Variants in AK7 observed in about 807,000 individuals in gnomAD.
AK7 encodes the protein adenylate kinase 7.
Under a neutral mutation model 96.6 loss-of-function variants are expected in AK7, and 78 were observed. That is an observed-to-expected ratio of 0.81 (90% CI 0.67 to 0.97). The LOEUF is 0.97. AK7 is among the 50% of genes least tolerant of loss of function. AK7 has a pLI of 0.00. For missense variants in AK7, 855 were observed against 887.9 expected (o/e 0.96, Z 0.47); for synonymous variants, 302 against 317.2 (o/e 0.95, Z 0.51).
intron 5 of AK7, chr14:96,424,165 C>T: frequency 3.3e-6 from 2 of 611,092 alleles, no homozygotes; most frequent in Non-Finnish European, 6.1e-6. Flanking sequence ...GGCTGTTCGT[C>T]CACTTCCTGA....
At position 96,429,548 on chromosome 14, in the gene AK7, TG is replaced by T. The variant is rs1447802635; in HGVS notation, c.610-8284del. Among the ~76,000 whole-genome samples the T allele has an allele frequency of 4.6e-5, 7 of 152,354 alleles. No individual in the cohort carries two copies. In the South Asian group the frequency reaches 6.2e-4, roughly 14 times the overall value. On this transcript the variant is annotated intron_variant, in intron 5 of 17. Transcript: ENST00000267584. ...ATGGCATTGAATCTATAAATTACCTTGGGCAGTATGGCCATTTTCATGATAT... is the reference window on the plus strand; with the variant it reads ...ATGGCATTGAATCTATAAATTACCTTGGCAGTATGGCCATTTTCATGATAT...
At chr14:96,464,060 AC>A (rs1894420768) in intron 12 of AK7, among the ~76,000 whole-genome samples, 1 of 152,132 alleles carries the variant, frequency 6.6e-6, no homozygotes, top group Admixed American at 6.6e-5. Context: ...AGGGTGAGCC[AC>A]AGAGTATAGT....
rs1891882352 is a variant in AK7 at position 96,424,162 on chromosome 14, C to T, written c.609+3230C>T. The T allele has an allele frequency of 4.1e-5, 25 of 611,192 alleles. 1 individual carries two copies. Among genetic ancestry groups the T allele is most frequent in the South Asian group, 3.5e-4 (23 of 65,624 alleles). 37.9% of individuals were successfully genotyped at this position (611,192 alleles called of 1,614,324 possible). A position where few individuals can be genotyped will look rare whatever the true frequency, so the allele number is the denominator to read the frequency against. ...ACATGCAGCGGGTGCTGCGGCTGTT[C>T]GTCCACTTCCTGAAGGCTCCAGGGC... is the stretch of plus-strand genomic sequence containing the variant. On this transcript the variant is annotated intron_variant, in intron 5 of 17. Transcript: ENST00000267584.
chr14:96,446,038 A>G (rs1361894989), intron 7 of AK7, among the ~76,000 whole-genome samples: 1 of 152,212 alleles, frequency 6.6e-6, no homozygotes, highest in African/African-American at 2.4e-5. Context: ...AGGCTCAGGC[A>G]CTGTTGCTGC....
intron 13 of AK7, among the ~76,000 whole-genome samples, chr14:96,472,454 C>T (rs1474458648): frequency 6.6e-6 from 1 of 152,208 alleles, no homozygotes; most frequent in Non-Finnish European, 1.5e-5. Flanking sequence ...GATGCCCAGC[C>T]ATTTCCTTCT....
chr14:96,471,712 T>A, intron 13 of AK7, 106 bp downstream of exon 13: 1 of 1,017,840 alleles, frequency 9.8e-7, no homozygotes, highest in Non-Finnish European at 1.3e-6. Flanking sequence ...CTAGAGAGAC[T>A]ATTTATTTTT....
intron 12 of AK7, among the ~76,000 whole-genome samples, chr14:96,463,502 G>A (rs983794081): frequency 5.9e-5 from 9 of 151,712 alleles, no homozygotes; most frequent in African/African-American, 1.7e-4. Flanking sequence ...GGCGGATCAC[G>A]AGGTCAGGAG....
chr14:96,421,207 G>A (rs1891670356), intron 5 of AK7, among the ~76,000 whole-genome samples: 1 of 152,134 alleles, frequency 6.6e-6, no homozygotes. Context: ...TTGTAATGGG[G>A]AACAGGGGAA....
chr14:96,472,804 G>C lies in AK7; in HGVS notation c.1555+49G>C. On this transcript the variant is annotated intron_variant, in intron 14 of 17. Transcript: ENST00000267584. ...CATTTAAAAGAATGTTCTCTGGGCT[G>C]GGCGTGGTGGCTCACGCCTGTAATC... 3 of 1,514,006 alleles carry C rather than the reference G, an allele frequency of 2.0e-6. No individual in the cohort carries two copies. In the South Asian group the frequency reaches 3.4e-5, roughly 17 times the overall value. The allele number at this position is 1,514,006 out of a possible 1,614,324, so 93.8% of individuals were successfully genotyped here.
chr14:96,395,606 G>A (rs1298219374), intron 1 of AK7, among the ~76,000 whole-genome samples: 1 of 151,528 alleles, frequency 6.6e-6, no homozygotes, highest in Admixed American at 6.6e-5. Context: ...TGCTCAGGAG[G>A]CAGAATGGGG....
At chr14:96,409,436 G>A (rs1328801066) in intron 4 of AK7, among the ~76,000 whole-genome samples, 1 of 152,132 alleles carries the variant, frequency 6.6e-6, no homozygotes, top group African/African-American at 2.4e-5. Context: ...CCTGGGCGTG[G>A]TGCCAGGTGC....
intron 12 of AK7, among the ~76,000 whole-genome samples, chr14:96,465,922 A>G (rs1894537902): frequency 6.7e-6 from 1 of 148,152 alleles, no homozygotes; most frequent in Admixed American, 6.8e-5. Flanking sequence ...AGGCAGGAGA[A>G]TTGGTTGAAC....
intron 3 of AK7, among the ~76,000 whole-genome samples, chr14:96,406,359 C>T (rs183082035): frequency 6.6e-6 from 1 of 152,190 alleles, no homozygotes; most frequent in Non-Finnish European, 1.5e-5. Flanking sequence ...GGAAATGTAA[C>T]CTTTTCTCAA....
chr14:96,483,015 A>G lies in AK7; in HGVS notation c.1770A>G (p.Glu590=). ...HPIHIDVGKL[E]DAQNRLAIKQ... is the part of the protein sequence containing the mutation. ...TATTTAAAGATGTAGGAAAACTTGA[A>G]GATGCTCAGAATAGACTTGCTATCA... is the stretch of plus-strand genomic sequence containing the variant. The change falls in exon 16 of 18, where the codon GAA becomes GAG. Residue 590 remains glutamate, a synonymous_variant. Transcript: ENST00000267584. 1 of 1,614,236 alleles carries G rather than the reference A, an allele frequency of 6.2e-7. No individual in the cohort carries two copies. The highest frequency in any genetic ancestry group is 8.5e-7 in the Non-Finnish European group (1 of 1,180,044).
In AK7 at chr14:96,488,625, A is replaced by G. The variant is rs1895904833; in HGVS notation, c.*282A>G. 1 of 287,530 alleles carries G rather than the reference A, an allele frequency of 3.5e-6. No individual in the cohort carries two copies. The allele number at this position is 287,530 out of a possible 1,614,324, so 17.8% of individuals were successfully genotyped here. A position where few individuals can be genotyped will look rare whatever the true frequency, so the allele number is the denominator to read the frequency against. ...TCAGATCTAAATATACCGCTTCTGT[A>G]CACTAATGTTTATAGGTATTTATAG... On this transcript the variant is annotated 3_prime_UTR_variant, in exon 18 of 18. Transcript: ENST00000267584.
At chr14:96,422,864 A>T (rs766799575) in intron 5 of AK7, among the ~76,000 whole-genome samples, 5 of 152,260 alleles carry the variant, frequency 3.3e-5, no homozygotes, top group Non-Finnish European at 5.9e-5. Context: ...TTCAGAATAG[A>T]TGATGGGAAT....
chr14:96,470,117 C>G, intron 12 of AK7, among the ~76,000 whole-genome samples: 1 of 151,308 alleles, frequency 6.6e-6, no homozygotes, highest in Non-Finnish European at 1.5e-5. Context: ...CGCGCCCGCC[C>G]GGGAGAGGTG....
intron 5 of AK7, among the ~76,000 whole-genome samples, chr14:96,433,918 T>C (rs554639447): frequency 1.3e-5 from 2 of 152,342 alleles, no homozygotes; most frequent in African/African-American, 4.8e-5. Context: ...TATTTCAATC[T>C]CTTTGTTAAA....
intron 9 of AK7, among the ~76,000 whole-genome samples, chr14:96,450,592 T>G (rs1170671998): frequency 6.6e-6 from 1 of 151,776 alleles, no homozygotes; most frequent in Non-Finnish European, 1.5e-5. Context: ...ATAGGGTTTT[T>G]TGCAGTGTGC....
Sources: allele counts gnomAD v4.1 joint callset (sites outside exome capture counted in the v4.1 genomes callset), GRCh38; gene constraint gnomAD v4.1.1; transcripts MANE v1.5; gene names NCBI Gene and HGNC (gene_info 2026-07-23, HGNC 2026-07-21).